The following SERPINB5 variants were observed in gnomAD, a reference collection of about 807,000 sequenced individuals.
SERPINB5 encodes the protein serpin B5.
A neutral mutation model predicts 32.2 loss-of-function variants in SERPINB5; 27 were observed. That is an observed-to-expected ratio of 0.84 (90% CI 0.62 to 1.16). SERPINB5 has a LOEUF of 1.16. Among genes scored for constraint, SERPINB5 ranks in the 50% most tolerant of loss-of-function variants. The pLI is 0.00. For missense variants in SERPINB5, 388 were observed against 436.3 expected, an observed-to-expected ratio of 0.89 and a Z score of 0.99; for synonymous variants, 154 against 157.4, an observed-to-expected ratio of 0.98 and a Z score of 0.16.
intron 5 of SERPINB5, among the ~76,000 whole-genome samples, chr18:63,495,032 T>G (rs1010944634): frequency 6.6e-6 from 1 of 152,350 alleles, no homozygotes; most frequent in Non-Finnish European, 1.5e-5. Context: ...GCATTTTCAC[T>G]GGGAGAAGAC....
chr18:63,489,529 G>A (rs1427829905), intron 4 of SERPINB5, 65 bp downstream of exon 4: 4 of 872,842 alleles, frequency 4.6e-6, no homozygotes, highest in African/African-American at 3.5e-5. Flanking sequence ...TCTCATAAAT[G>A]TTTGCTCCAA....
chr18:63,499,498 A>G (rs1052292619), intron 6 of SERPINB5, among the ~76,000 whole-genome samples: 51 of 152,310 alleles, frequency 3.3e-4, no homozygotes, highest in African/African-American at 1.2e-3. Context: ...ACAGTGTTCT[A>G]GGGACTGTGC....
At chr18:63,487,659 C>T (rs1917237459) in intron 3 of SERPINB5, among the ~76,000 whole-genome samples, 1 of 152,120 alleles carries the variant, frequency 6.6e-6, no homozygotes, top group African/African-American at 2.4e-5. Flanking sequence ...ATAAGTTTAG[C>T]CATTGCTCTA....
intron 5 of SERPINB5, chr18:63,493,327 T>C: frequency 3.4e-6 from 2 of 594,958 alleles, no homozygotes; most frequent in Non-Finnish European, 5.9e-6. Context: ...AGTGAAACTT[T>C]ATAGAATTTG....
intron 2 of SERPINB5, 143 bp downstream of exon 2, chr18:63,484,739 A>ATTTTTTTTT (rs1474564506): frequency 3.0e-4 from 44 of 144,810 alleles, no homozygotes; most frequent in South Asian, 5.3e-4. Flanking sequence ...GACTCTCTTA[A>ATTTTTTTTT]TCTTTTTTTT....
chr18:63,501,483 G>C (rs1393429036), intron 6 of SERPINB5, among the ~76,000 whole-genome samples: 1 of 152,096 alleles, frequency 6.6e-6, no homozygotes, highest in Non-Finnish European at 1.5e-5. Context: ...TTGCTATTGT[G>C]AATAGTGTTC....
At chr18:63,485,197 A>C (rs1170090029) in intron 2 of SERPINB5, among the ~76,000 whole-genome samples, 1 of 152,180 alleles carries the variant, frequency 6.6e-6, no homozygotes, top group Non-Finnish European at 1.5e-5. Context: ...CTCATCATAA[A>C]TCAAGCAGCA....
intron 2 of SERPINB5, among the ~76,000 whole-genome samples, 167 bp downstream of exon 2, chr18:63,484,763 T>TG (rs1555670281): frequency 9.6e-5 from 14 of 145,674 alleles, no homozygotes; most frequent in Non-Finnish European, 1.6e-4. Context: ...TTTTTTTTTT[T>TG]GTGAGACAGG....
At chr18:63,481,140 A>G (rs1002986351) in intron 1 of SERPINB5, among the ~76,000 whole-genome samples, 3 of 152,236 alleles carry the variant, frequency 2.0e-5, no homozygotes, top group East Asian at 3.8e-4. Flanking sequence ...ATTGCAACAC[A>G]GCATTAATTG....
At chr18:63,480,343 G>A (rs527962205) in intron 1 of SERPINB5, among the ~76,000 whole-genome samples, 11 of 152,164 alleles carry the variant, frequency 7.2e-5, no homozygotes, top group Non-Finnish European at 1.6e-4. Context: ...AAGATGTAGC[G>A]TTTTCTACAT....
chr18:63,485,585 G>A (rs1459395594), intron 2 of SERPINB5: 2 of 152,144 alleles, frequency 1.3e-5, no homozygotes, highest in Non-Finnish European at 1.5e-5. Flanking sequence ...TCTGAACTGC[G>A]CAACTCCACT....
intron 1 of SERPINB5, among the ~76,000 whole-genome samples, chr18:63,479,910 G>A (rs1917099042): frequency 6.6e-6 from 1 of 152,196 alleles, no homozygotes; most frequent in Admixed American, 6.5e-5. Context: ...TCTTCAAGGG[G>A]AGACTTCAGG....
intron 6 of SERPINB5, among the ~76,000 whole-genome samples, chr18:63,499,804 C>T (rs1229314345): frequency 6.6e-6 from 1 of 152,064 alleles, no homozygotes; most frequent in African/African-American, 2.4e-5. Context: ...CTCTCTCTTG[C>T]TCTTTCTTTT....
chr18:63,481,003 A>G (rs534353614), intron 1 of SERPINB5, among the ~76,000 whole-genome samples: 1 of 152,342 alleles, frequency 6.6e-6, no homozygotes, highest in African/African-American at 2.4e-5. Flanking sequence ...ACTGAGGATT[A>G]GCATGCAAAG....
At chr18:63,499,021 A>G (rs1303342393) in intron 5 of SERPINB5, 99 bp from the exon 6 acceptor site, 4 of 483,570 alleles carry the variant, frequency 8.3e-6, no homozygotes, top group Non-Finnish European at 1.3e-5. Context: ...GTGGGTATAT[A>G]TGTGTGTGTG....
chr18:63,489,427 A>C lies in SERPINB5; in HGVS notation c.387A>C (p.Lys129Asn), dbSNP rs2144499317. The C allele has an allele frequency of 6.2e-7, 1 of 1,613,052 alleles. No individual in the cohort carries two copies. Among genetic ancestry groups the C allele is most frequent in the East Asian group, 2.2e-5 (1 of 44,822 alleles). Residue 129 changes from lysine to asparagine, a missense_variant, in exon 4 of 7, where the codon AAA becomes AAC. Coordinates refer to ENST00000382771, the MANE Select transcript of SERPINB5 (RefSeq NM_002639.5). ...TCAAAGATAAATTGGAAGAAACGAAAGGTCAGATCAACAACTCAATTAAGG... is the reference window on the plus strand; with the variant it reads ...TCAAAGATAAATTGGAAGAAACGAACGGTCAGATCAACAACTCAATTAAGG... ...VDFKDKLEETKGQINNSIKDL... is the reference protein window; with the variant it reads ...VDFKDKLEETNGQINNSIKDL...
chr18:63,502,260 C>T (rs4941205), intron 6 of SERPINB5, among the ~76,000 whole-genome samples: 60,585 of 151,360 alleles, frequency 0.4, 13,019 homozygotes, highest in Non-Finnish European at 0.49. Context: ...CTCAGCCTCC[C>T]GAGTAGCTGG....
At chr18:63,486,282 C>A (rs1917212772) in intron 2 of SERPINB5, among the ~76,000 whole-genome samples, 1 of 152,136 alleles carries the variant, frequency 6.6e-6, no homozygotes, top group Non-Finnish European at 1.5e-5. Flanking sequence ...CAGGCAGGGC[C>A]ATCTGACTCT....
chr18:63,494,935 A>C (rs946216425), intron 5 of SERPINB5, among the ~76,000 whole-genome samples: 1 of 152,230 alleles, frequency 6.6e-6, no homozygotes, highest in Non-Finnish European at 1.5e-5. Flanking sequence ...ATCAGTCCCT[A>C]AGGGTCAGTT....
Sources: gnomAD v4.1 joint callset for allele counts (sites outside exome capture counted in the v4.1 genomes callset) on GRCh38, gnomAD v4.1.1 for gene constraint, MANE v1.5 for transcripts, NCBI Gene and HGNC (gene_info 2026-07-23, HGNC 2026-07-21) for gene names.